PKD2L2: variants seen among roughly 807,000 people sequenced by gnomAD.
PKD2L2 encodes polycystin-2-like protein 2.
A neutral mutation model predicts 83.9 loss-of-function variants in PKD2L2; 67 were observed. That is an observed-to-expected ratio of 0.80 (90% CI 0.66 to 0.98). The LOEUF (loss-of-function observed/expected upper bound fraction) is 0.98. Among genes scored for constraint, PKD2L2 ranks in the 50% least tolerant of loss-of-function variants. The probability of loss-of-function intolerance (pLI) is 0.00; values close to 1 mark genes in which losing one functional copy is unlikely to be tolerated. For synonymous variants in PKD2L2, 223 were observed against 237.8 expected, an observed-to-expected ratio of 0.94 and a Z score of 0.57; for missense variants, 632 against 717.2, an observed-to-expected ratio of 0.88 and a Z score of 1.36.
At chr5:137,938,211 T>G (rs1384536332) in intron 14 of PKD2L2, 2 of 152,618 alleles carry the variant, frequency 1.3e-5, no homozygotes, top group African/African-American at 4.8e-5. Context: ...CAGCCAAACA[T>G]TAACATTGAA....
At chr5:137,894,672 G>A in intron 4 of PKD2L2, 63 bp downstream of exon 4, 2 of 1,315,796 alleles carry the variant, frequency 1.5e-6, no homozygotes, top group African/African-American at 1.5e-5. Context: ...TTTTAGATAT[G>A]TGTCTTCCAA....
At chr5:137,895,574 A>C (rs1286293995) in intron 4 of PKD2L2, among the ~76,000 whole-genome samples, 1 of 151,634 alleles carries the variant, frequency 6.6e-6, no homozygotes, top group Non-Finnish European at 1.5e-5. Flanking sequence ...AGTGCAGTGC[A>C]CACTTTGTGC....
chr5:137,897,487 A>G (rs1447965326), intron 4 of PKD2L2, among the ~76,000 whole-genome samples: 1 of 152,250 alleles, frequency 6.6e-6, no homozygotes, highest in Admixed American at 6.5e-5. Flanking sequence ...CCAAATTCTC[A>G]TAACAAGTAC....
chr5:137,935,808 C>T lies in PKD2L2; in HGVS notation c.1683C>T (p.Asn561=), dbSNP rs1760282368. ...CTCTACCCTGACAGGAGATTCAAAA[C>T]GCAGAGCAGATGAAAAAATGGAAAG... ...REGFDENEIQ[N]AEQMKKWKER... The change falls in exon 13 of 15, where the codon AAC becomes AAT. Residue 561 remains asparagine, a synonymous_variant. Transcript: ENST00000508883. 2 of 1,595,770 alleles carry T rather than the reference C, an allele frequency of 1.3e-6. No homozygotes were observed. The highest frequency in any genetic ancestry group is 4.5e-5 in the East Asian group (2 of 44,772).
chr5:137,912,801 C>T (rs1457459670), intron 8 of PKD2L2, among the ~76,000 whole-genome samples: 18 of 99,824 alleles, frequency 1.8e-4, no homozygotes, highest in Non-Finnish European at 2.4e-4. Context: ...TGTTTTCTTT[C>T]TTTCTTTTTT....
rs1042579377 is a variant in PKD2L2, at chr5:137,925,737, G to T, written c.1617-138G>T. ...ATGATACTCTGAAGAGCTTGTTAAT[G>T]ATCACATTTTCCAAATAATTAGCAT... On this transcript the variant is annotated intron_variant, in intron 11 of 14. Coordinates refer to ENST00000508883, the MANE Select transcript of PKD2L2 (RefSeq NM_001300921.2). 4 of 525,124 alleles carry T rather than the reference G, an allele frequency of 7.6e-6. No individual in the cohort carries two copies. The Admixed American group carries it at 9.3e-5, about 12-fold the overall frequency. 32.5% of individuals were successfully genotyped at this position (525,124 alleles called of 1,614,324 possible).
chr5:137,925,008 T>A, intron 10 of PKD2L2, 32 bp from the exon 11 acceptor site: 1 of 1,193,902 alleles, frequency 8.4e-7, no homozygotes, highest in Non-Finnish European at 1.2e-6. Context: ...TATATTTTAA[T>A]GCATTTTCAA....
At chr5:137,891,589 TG>T (rs1755988343) in intron 2 of PKD2L2, among the ~76,000 whole-genome samples, 1 of 152,140 alleles carries the variant, frequency 6.6e-6, no homozygotes, top group Non-Finnish European at 1.5e-5. Flanking sequence ...AATGTAAAAA[TG>T]TAAGTAAAAA....
intron 14 of PKD2L2, among the ~76,000 whole-genome samples, chr5:137,937,619 A>G (rs1217068868): frequency 6.6e-6 from 1 of 152,234 alleles, no homozygotes; most frequent in African/African-American, 2.4e-5. Context: ...ACTCAAATAT[A>G]AAGACATTTT....
intron 8 of PKD2L2, among the ~76,000 whole-genome samples, chr5:137,920,654 G>A (rs1362362462): frequency 1.3e-4 from 20 of 151,990 alleles, no homozygotes; most frequent in Admixed American, 1.3e-3. Flanking sequence ...CTACTCAGGA[G>A]GCTGAGGCAG....
chr5:137,915,714 A>G (rs1450909908), intron 8 of PKD2L2, among the ~76,000 whole-genome samples: 2 of 152,242 alleles, frequency 1.3e-5, no homozygotes, highest in African/African-American at 2.4e-5. Flanking sequence ...ACAAAATTAC[A>G]TCTTTGTTCA....
At chr5:137,942,303 C>A in intron 14 of PKD2L2, 81 bp from the exon 15 acceptor site, 1 of 438,656 alleles carries the variant, frequency 2.3e-6, no homozygotes, top group Non-Finnish European at 4.0e-6. Flanking sequence ...GGATATAGAA[C>A]AAAAAGATCA....
At chr5:137,889,596 CG>C (rs987189004) in intron 1 of PKD2L2, 74 bp downstream of exon 1, 9 of 1,331,508 alleles carry the variant, frequency 6.8e-6, no homozygotes, top group Non-Finnish European at 9.1e-6. Context: ...AGGAACTCTG[CG>C]GCCCCAAATT....
At chr5:137,931,490 G>T (rs904876903) in intron 12 of PKD2L2, among the ~76,000 whole-genome samples, 2 of 152,184 alleles carry the variant, frequency 1.3e-5, no homozygotes, top group African/African-American at 4.8e-5. Flanking sequence ...TGAAGATTCA[G>T]ATAGTATTTA....
At chr5:137,936,034 T>C in intron 13 of PKD2L2, 125 bp downstream of exon 13, 1 of 672,970 alleles carries the variant, frequency 1.5e-6, no homozygotes, top group East Asian at 2.5e-5. Flanking sequence ...ATTTACTTTC[T>C]ATCCAGTTTT....
chr5:137,902,183 C>T (rs1757016464), intron 5 of PKD2L2, among the ~76,000 whole-genome samples: 1 of 151,968 alleles, frequency 6.6e-6, no homozygotes. Context: ...TCCGATTATT[C>T]AAGACTGCTT....
chr5:137,925,282 G>T (rs572140281), intron 11 of PKD2L2, among the ~76,000 whole-genome samples, 178 bp downstream of exon 11: 1 of 152,212 alleles, frequency 6.6e-6, no homozygotes, highest in East Asian at 1.9e-4. Flanking sequence ...AAAGTGTTGG[G>T]ATTACAGGCG....
chr5:137,899,471 A>C, intron 4 of PKD2L2, 45 bp from the exon 5 acceptor site: 1 of 1,239,506 alleles, frequency 8.1e-7, no homozygotes. Flanking sequence ...AATACTTCTC[A>C]GTTGGGCTTT....
intron 14 of PKD2L2, chr5:137,941,985 C>T (rs147208327): frequency 1.1e-5 from 17 of 1,614,026 alleles, no homozygotes; most frequent in South Asian, 3.3e-5. Context: ...ATTCCCGCAA[C>T]GTTTTGCGTA....
Sources: gnomAD v4.1 joint callset for allele counts (sites outside exome capture counted in the v4.1 genomes callset) on GRCh38, gnomAD v4.1.1 for gene constraint, MANE v1.5 for transcripts, NCBI Gene and HGNC (gene_info 2026-07-23, HGNC 2026-07-21) for gene names.